The following NTM variants were observed in gnomAD, a reference collection of about 807,000 sequenced individuals.
The protein encoded by NTM is IgLON family member 2.
In NTM, 13 loss-of-function variants were observed where a neutral mutation model predicts 42.1. The ratio of observed to expected loss-of-function variants is 0.31; its 90% CI spans 0.20 to 0.49. NTM has a LOEUF of 0.49. NTM is among the 20% of genes least tolerant of loss of function. NTM has a pLI of 0.99. For synonymous variants in NTM, 187 were observed against 179.2 expected, an observed-to-expected ratio of 1.04 and a Z score of -0.35; for missense variants, 373 against 452.8, an observed-to-expected ratio of 0.82 and a Z score of 1.60.
At chr11:131,920,146 A>G (rs917213373) in intron 2 of NTM, among the ~76,000 whole-genome samples, 4 of 152,196 alleles carry the variant, frequency 2.6e-5, no homozygotes, top group African/African-American at 9.7e-5. Context: ...ATTCATGCAT[A>G]GATTTCGGAG....
rs1594232772 is a variant in NTM, at chr11:132,061,461, A to G, written c.168-84821A>G. ...GTTGTGTTTAACTATTAATTTTCAT[A>G]CCAGCTTATACCTAATAGAGTGTGT... is the stretch of plus-strand genomic sequence containing the variant. On this transcript the variant is annotated intron_variant, in intron 2 of 8. Transcript: ENST00000683400. Among the ~76,000 whole-genome samples the G allele has an allele frequency of 2.0e-5, 3 of 152,346 alleles. 1 individual carries two copies. The highest frequency in any genetic ancestry group is 2.0e-4 in the Admixed American group (3 of 15,298).
At chr11:131,499,565 A>G (rs1003613781) in intron 1 of NTM, among the ~76,000 whole-genome samples, 2 of 152,182 alleles carry the variant, frequency 1.3e-5, no homozygotes, top group Non-Finnish European at 2.9e-5. Flanking sequence ...AAATCGGATC[A>G]TATCATTTTT....
At chr11:132,138,197 G>T (rs1170504841) in intron 2 of NTM, among the ~76,000 whole-genome samples, 1 of 152,112 alleles carries the variant, frequency 6.6e-6, no homozygotes, top group African/African-American at 2.4e-5. Flanking sequence ...GAAAAAAATT[G>T]TATCTACTTC....
intron 1 of NTM, among the ~76,000 whole-genome samples, chr11:131,789,537 A>G (rs1387902993): frequency 6.8e-5 from 2 of 29,230 alleles, no homozygotes; most frequent in Non-Finnish European, 1.2e-4. Context: ...GAAGAAGAAG[A>G]AGAAGAAGAA....
chr11:132,211,963 A>G, intron 3 of NTM, 59 bp from the exon 4 acceptor site: 1 of 1,564,022 alleles, frequency 6.4e-7, no homozygotes, highest in South Asian at 1.2e-5. Flanking sequence ...CTACCATGTT[A>G]AGACAACTAA....
chr11:131,375,676 T>G (rs1941870317), intron 1 of NTM, among the ~76,000 whole-genome samples: 1 of 151,956 alleles, frequency 6.6e-6, no homozygotes, highest in Non-Finnish European at 1.5e-5. Context: ...GAGCTGGAGG[T>G]AGGAGTTTCA....
At chr11:131,468,174 C>T (rs318989) in intron 1 of NTM, among the ~76,000 whole-genome samples, 4 of 152,204 alleles carry the variant, frequency 2.6e-5, no homozygotes, top group Non-Finnish European at 4.4e-5. Flanking sequence ...TGCCTGCCCC[C>T]CTTCCTGTCT....
chr11:131,898,358 T>A (rs992075598), intron 1 of NTM, among the ~76,000 whole-genome samples: 21 of 152,374 alleles, frequency 1.4e-4, no homozygotes, highest in African/African-American at 5.0e-4. Flanking sequence ...AGATATTTTT[T>A]ACATGTTTAT....
intron 1 of NTM, among the ~76,000 whole-genome samples, chr11:131,787,299 A>T (rs2089390115): frequency 6.6e-6 from 1 of 150,446 alleles, no homozygotes; most frequent in African/African-American, 2.4e-5. Context: ...CCTATACACA[A>T]AAATGAAAAT....
chr11:131,931,853 A>G (rs865840825), intron 2 of NTM, among the ~76,000 whole-genome samples: 1 of 152,128 alleles, frequency 6.6e-6, no homozygotes, highest in Non-Finnish European at 1.5e-5. Flanking sequence ...CGGCTGTGCC[A>G]TGGCAGCCAA....
intron 2 of NTM, among the ~76,000 whole-genome samples, chr11:132,085,856 C>T (rs191306953): frequency 2.0e-5 from 3 of 152,168 alleles, no homozygotes; most frequent in African/African-American, 4.8e-5. Flanking sequence ...TAAACAGACA[C>T]AGCTGGAAGA....
intron 3 of NTM, among the ~76,000 whole-genome samples, chr11:132,206,302 C>T (rs1402092667): frequency 6.6e-6 from 1 of 152,212 alleles, no homozygotes; most frequent in African/African-American, 2.4e-5. Flanking sequence ...GGCATTCACG[C>T]CCTTCCATCA....
intron 1 of NTM, among the ~76,000 whole-genome samples, chr11:131,894,397 G>A (rs2051901995): frequency 6.6e-6 from 1 of 152,212 alleles, no homozygotes; most frequent in Non-Finnish European, 1.5e-5. Context: ...AAGTAAGGGA[G>A]TGAAGACTTG....
At chr11:131,693,595 C>T (rs558973449) in intron 1 of NTM, among the ~76,000 whole-genome samples, 5 of 152,312 alleles carry the variant, frequency 3.3e-5, no homozygotes, top group African/African-American at 1.2e-4. Flanking sequence ...AATTACCCAG[C>T]ACCAGCCCCA....
chr11:132,190,745 A>C, intron 3 of NTM, among the ~76,000 whole-genome samples: 1 of 151,684 alleles, frequency 6.6e-6, no homozygotes, highest in Admixed American at 6.6e-5. Flanking sequence ...TTAAAAAAAA[A>C]AAAAAAAAAG....
At chr11:131,846,645 G>C (rs555074299) in intron 1 of NTM, among the ~76,000 whole-genome samples, 1 of 152,064 alleles carries the variant, frequency 6.6e-6, no homozygotes, top group Non-Finnish European at 1.5e-5. Context: ...TATAACTATT[G>C]TATATGTTAT....
intron 1 of NTM, among the ~76,000 whole-genome samples, chr11:131,462,417 A>G (rs956508840): frequency 6.6e-6 from 1 of 152,248 alleles, no homozygotes; most frequent in Admixed American, 6.5e-5. Context: ...TTAAAAAACA[A>G]ACAGTGACCC....
At chr11:132,039,372 T>C (rs969448702) in intron 2 of NTM, among the ~76,000 whole-genome samples, 14 of 151,994 alleles carry the variant, frequency 9.2e-5, no homozygotes, top group Non-Finnish European at 1.9e-4. Flanking sequence ...TTAATGTTTG[T>C]CAAAGATCTC....
intron 1 of NTM, among the ~76,000 whole-genome samples, chr11:131,739,844 T>C (rs1050353188): frequency 6.6e-6 from 1 of 152,188 alleles, no homozygotes; most frequent in Non-Finnish European, 1.5e-5. Context: ...GACAGGTCTA[T>C]AGCAGCAGCT....
Sources: gnomAD v4.1 joint callset for allele counts (sites outside exome capture counted in the v4.1 genomes callset) on GRCh38, gnomAD v4.1.1 for gene constraint, MANE v1.5 for transcripts, NCBI Gene and HGNC (gene_info 2026-07-23, HGNC 2026-07-21) for gene names.